CFAP61: variants seen among roughly 807,000 people sequenced by gnomAD.
CFAP61 encodes the protein cilia- and flagella-associated protein 61.
Under a neutral mutation model 135.6 loss-of-function variants are expected in CFAP61, and 107 were observed. The ratio of observed to expected loss-of-function variants is 0.79; its 90% confidence interval spans 0.67 to 0.93. The LOEUF (loss-of-function observed/expected upper bound fraction) is 0.93. Among genes scored for constraint, CFAP61 ranks in the 40% least tolerant of loss-of-function variants. The probability of loss-of-function intolerance (pLI) is 0.00; values close to 1 mark genes in which losing one functional copy is unlikely to be tolerated. For missense variants in CFAP61, 1,507 were observed against 1,556.2 expected, an observed-to-expected ratio of 0.97 and a Z score of 0.53; for synonymous variants, 575 against 578.5, an observed-to-expected ratio of 0.99 and a Z score of 0.09.
intron 12 of CFAP61, among the ~76,000 whole-genome samples, chr20:20,167,894 C>T (rs1414796469): frequency 6.6e-6 from 1 of 152,176 alleles, no homozygotes; most frequent in Non-Finnish European, 1.5e-5. Flanking sequence ...GAAGAGCAGG[C>T]TGCTTCTGCA....
intron 25 of CFAP61, among the ~76,000 whole-genome samples, chr20:20,332,318 G>A (rs888794050): frequency 1.5e-4 from 23 of 152,170 alleles, no homozygotes; most frequent in African/African-American, 4.8e-4. Flanking sequence ...AAGAAAACTG[G>A]TTCGCTCTGG....
chr20:20,186,967 C>T (rs12481442), intron 13 of CFAP61, among the ~76,000 whole-genome samples: 19,020 of 152,194 alleles, frequency 0.12, 1,350 homozygotes, highest in Non-Finnish European at 0.15. Flanking sequence ...CAGTCAGTCT[C>T]TCCTTCCCAT....
At chr20:20,148,101 G>C (rs1050749940) in intron 9 of CFAP61, among the ~76,000 whole-genome samples, 2 of 152,060 alleles carry the variant, frequency 1.3e-5, no homozygotes, top group African/African-American at 4.8e-5. Context: ...GTTCTGTTCT[G>C]TTGGTCTACA....
intron 2 of CFAP61, 45 bp downstream of exon 2, chr20:20,056,841 G>A: frequency 6.3e-7 from 1 of 1,587,118 alleles, no homozygotes; most frequent in Non-Finnish European, 8.6e-7. Context: ...ATTTTGGTTG[G>A]GTGCAGTAGC....
chr20:20,083,196 T>C (rs1051034846), intron 6 of CFAP61, among the ~76,000 whole-genome samples: 5 of 152,252 alleles, frequency 3.3e-5, no homozygotes, highest in African/African-American at 1.2e-4. Context: ...TTGTTGCACC[T>C]TGGATGAAGC....
intron 20 of CFAP61, among the ~76,000 whole-genome samples, chr20:20,259,331 G>A (rs1330148039): frequency 1.5e-5 from 2 of 132,356 alleles, no homozygotes; most frequent in Non-Finnish European, 3.1e-5. Flanking sequence ...ACAGCTCACT[G>A]CAACCTTGAC....
intron 8 of CFAP61, among the ~76,000 whole-genome samples, chr20:20,120,919 A>G (rs551056774): frequency 4.1e-4 from 62 of 152,090 alleles, no homozygotes; most frequent in African/African-American, 1.4e-3. Context: ...TTTGTAGTCA[A>G]TTTCATCTGA....
intron 17 of CFAP61, chr20:20,220,305 T>G (rs887913424): frequency 1.3e-5 from 2 of 152,276 alleles, no homozygotes; most frequent in African/African-American, 4.8e-5. Flanking sequence ...ACATGGAAGC[T>G]CTGTGCTTTT....
At position 20,164,128 on chromosome 20, in the gene CFAP61, G is replaced by T; in HGVS notation, c.1105G>T (p.Val369Leu). Residue 369 changes from valine (V) to leucine (L), a missense_variant, in exon 11 of 27, where the codon GTA becomes TTA. Physicochemically the swap from Val to Leu is conservative, Grantham distance 32 (BLOSUM62 1). Transcript: ENST00000245957. ...HVSSRSLASLVLPEEPVHFRP... is the reference protein window; with the variant it reads ...HVSSRSLASLLLPEEPVHFRP... ...CAGCAGTAGGAGCTTGGCATCGCTC[G>T]TACTGCCTGAAGAGCCCGTCCACTT... 1 of 1,613,696 alleles carries T rather than the reference G, an allele frequency of 6.2e-7. No individual in the cohort carries two copies. The highest frequency in any genetic ancestry group is 1.1e-5 in the South Asian group (1 of 91,050).
chr20:20,299,812 T>C (rs1162582200), intron 25 of CFAP61, among the ~76,000 whole-genome samples: 3 of 152,214 alleles, frequency 2.0e-5, no homozygotes, highest in Non-Finnish European at 2.9e-5. Flanking sequence ...TTTACACTGG[T>C]TCCAGTTCAG....
Position 20,319,525 on chromosome 20 carries a change from C to T in CFAP61, c.3422+21139C>T, listed in dbSNP as rs540042851. Among the ~76,000 whole-genome samples the T allele has an allele frequency of 1.2e-4, 18 of 152,266 alleles. No individual in the cohort carries two copies. In the South Asian group the frequency reaches 1.2e-3, roughly 11 times the overall value. The stretch of plus-strand genomic sequence containing the variant: ...CATGAGATGTGGTTGTTTAAAAGTG[C>T]GTAGCACCTCCCCTTCTCTCTTCCT... On this transcript the variant is annotated intron_variant, in intron 25 of 26. Coordinates refer to ENST00000245957, the MANE Select transcript of CFAP61 (RefSeq NM_015585.4).
chr20:20,289,287 C>T (rs1428411377), intron 23 of CFAP61, among the ~76,000 whole-genome samples: 1 of 152,192 alleles, frequency 6.6e-6, no homozygotes, highest in Non-Finnish European at 1.5e-5. Context: ...AACTTCCATT[C>T]TCTCTGTAAG....
chr20:20,299,443 CA>C (rs1387918284), intron 25 of CFAP61, among the ~76,000 whole-genome samples: 1 of 152,124 alleles, frequency 6.6e-6, no homozygotes, highest in Non-Finnish European at 1.5e-5. Flanking sequence ...CCAGCCCTTG[CA>C]GTGAGAAAGA....
intron 13 of CFAP61, among the ~76,000 whole-genome samples, chr20:20,172,922 T>A (rs1601160934): frequency 6.6e-6 from 1 of 152,358 alleles, no homozygotes; most frequent in African/African-American, 2.4e-5. Context: ...CTGCTGAACA[T>A]CCTCTGTGCT....
chr20:20,285,935 A>AC (rs2054554159), intron 22 of CFAP61, among the ~76,000 whole-genome samples: 1 of 144,368 alleles, frequency 6.9e-6, no homozygotes, highest in African/African-American at 2.6e-5. Context: ...AAAAAAAAAA[A>AC]CAAAAACAAA....
intron 8 of CFAP61, among the ~76,000 whole-genome samples, chr20:20,124,764 C>G (rs939047996): frequency 1.3e-5 from 2 of 151,758 alleles, no homozygotes; most frequent in African/African-American, 4.9e-5. Flanking sequence ...CCTTCTTTCT[C>G]TATCTTGTGG....
intron 18 of CFAP61, among the ~76,000 whole-genome samples, chr20:20,241,883 G>A (rs2050035753): frequency 6.6e-6 from 1 of 152,038 alleles, no homozygotes; most frequent in African/African-American, 2.4e-5. Context: ...AAGTAGCTGG[G>A]TTAATTGTGA....
chr20:20,167,088 A>C (rs1230509610), intron 12 of CFAP61, among the ~76,000 whole-genome samples: 1 of 152,210 alleles, frequency 6.6e-6, no homozygotes, highest in Non-Finnish European at 1.5e-5. Context: ...GACAAAATGC[A>C]TTTTTATAAA....
At chr20:20,236,945 A>G (rs2049640374) in intron 18 of CFAP61, among the ~76,000 whole-genome samples, 1 of 152,208 alleles carries the variant, frequency 6.6e-6, no homozygotes, top group South Asian at 2.1e-4. Flanking sequence ...ATAAATGTAT[A>G]ATGTTTTTAC....
Sources: allele counts gnomAD v4.1 joint callset (sites outside exome capture counted in the v4.1 genomes callset), GRCh38; gene constraint gnomAD v4.1.1; transcripts MANE v1.5; gene names NCBI Gene and HGNC (gene_info 2026-07-23, HGNC 2026-07-21).